RUSC2: variants seen among roughly 807,000 people sequenced by gnomAD.
RUSC2 encodes the protein AP-4 complex accessory subunit RUSC2.
A neutral mutation model predicts 122.2 loss-of-function variants in RUSC2; 34 were observed. That is an observed-to-expected ratio of 0.28 (90% CI 0.21 to 0.37). RUSC2 has a LOEUF of 0.37. Among genes scored for constraint, RUSC2 ranks in the 10% least tolerant of loss-of-function variants. RUSC2 has a pLI of 1.00. For missense variants in RUSC2, 1,747 were observed against 1,952.4 expected (o/e 0.89, Z 1.98); for synonymous variants, 784 against 790.0 (o/e 0.99, Z 0.13).
rs1267538991 is a variant in RUSC2, at chr9:35,560,587, C to G, written c.3947C>G (p.Pro1316Arg). The G allele has an allele frequency of 1.9e-6, 3 of 1,613,648 alleles. No homozygotes were observed. The highest frequency in any genetic ancestry group is 1.7e-5 in the Admixed American group (1 of 59,988). The change falls in exon 10 of 12, where the codon CCA (proline) becomes CGA (arginine). Residue 1316 changes from proline to arginine, a missense_variant. By Grantham distance (103) the Pro-to-Arg change is moderately radical (BLOSUM62 -2). Coordinates refer to ENST00000361226, the MANE Select transcript of RUSC2 (RefSeq NM_014806.5). ...GGTGGGGGACCTCCCCAGGCTCCACCACCCCGAGAGGGAGTAGTGGAGGGG... is the reference window on the plus strand; with the variant it reads ...GGTGGGGGACCTCCCCAGGCTCCACGACCCCGAGAGGGAGTAGTGGAGGGG... ...AGGGGPPQAP[P>R]PREGVVEGAE... is the part of the protein sequence containing the mutation.
chr9:35,515,999 CAAA>C (rs544797957), intron 1 of RUSC2, among the ~76,000 whole-genome samples: 337 of 47,178 alleles, frequency 7.1e-3, no homozygotes, highest in Middle Eastern at 0.019. Flanking sequence ...ATTCTTGTCT[CAAA>C]AAAAAAAAAA....
At chr9:35,524,922 G>T (rs902343427) in intron 1 of RUSC2, among the ~76,000 whole-genome samples, 4 of 150,864 alleles carry the variant, frequency 2.7e-5, no homozygotes, top group Admixed American at 1.3e-4. Flanking sequence ...AGTAAGCCAA[G>T]ATCGCACCAC....
chr9:35,557,426 G>A lies in RUSC2; in HGVS notation c.2984-488G>A, dbSNP rs907782949. Among the ~76,000 whole-genome samples, 14 of 152,096 alleles carry A rather than the reference G, an allele frequency of 9.2e-5. No homozygotes were observed. The highest frequency in any genetic ancestry group is 3.1e-4 in the African/African-American group (13 of 41,380). ...GGGAAGTTAAAGGAGTTTATAACTA[G>A]GGAACTCTGTTCTCTGAAGCAGAAC... On this transcript the variant is annotated intron_variant, in intron 5 of 11. Transcript: ENST00000361226. The surrounding 1 kb of genome is among the most constrained non-coding windows in gnomAD (Gnocchi z 4.6).
chr9:35,495,935 T>C (rs555857103), intron 1 of RUSC2, among the ~76,000 whole-genome samples: 2 of 152,340 alleles, frequency 1.3e-5, no homozygotes, highest in African/African-American at 4.8e-5. Context: ...TTACTGTAAA[T>C]GGAATTGTTT....
At chr9:35,490,508 C>G (rs757140795) in intron 1 of RUSC2, among the ~76,000 whole-genome samples, 1 of 152,132 alleles carries the variant, frequency 6.6e-6, no homozygotes, top group Non-Finnish European at 1.5e-5. Context: ...GACACCCTCC[C>G]CCCACAAAAC....
intron 1 of RUSC2, among the ~76,000 whole-genome samples, chr9:35,503,390 T>C (rs1820853254): frequency 6.6e-6 from 1 of 152,192 alleles, no homozygotes; most frequent in African/African-American, 2.4e-5. Flanking sequence ...TTACTTCACT[T>C]AGAATAGTGG....
intron 2 of RUSC2, among the ~76,000 whole-genome samples, chr9:35,550,968 C>T (rs904726302): frequency 6.6e-6 from 1 of 151,764 alleles, no homozygotes; most frequent in East Asian, 1.9e-4. Flanking sequence ...ACATGGGAGG[C>T]TGAGGCAGGA....
chr9:35,524,887 C>T (rs369033505), intron 1 of RUSC2, among the ~76,000 whole-genome samples: 174 of 151,610 alleles, frequency 1.1e-3, no homozygotes, highest in African/African-American at 3.8e-3. Flanking sequence ...AGGAGAATGG[C>T]GTGAACCCGG....
At chr9:35,533,566 T>C (rs934226426) in intron 1 of RUSC2, among the ~76,000 whole-genome samples, 5 of 152,238 alleles carry the variant, frequency 3.3e-5, no homozygotes, top group Admixed American at 2.6e-4. Context: ...TGTAGTCTAA[T>C]TTTGGAACAT....
intron 1 of RUSC2, among the ~76,000 whole-genome samples, chr9:35,494,591 A>G (rs1013443801): frequency 3.3e-5 from 5 of 151,994 alleles, no homozygotes; most frequent in South Asian, 2.1e-4. Flanking sequence ...GGCCATTTGT[A>G]TATCTTTGGA....
chr9:35,545,950 T>C (rs1405171704), intron 1 of RUSC2, among the ~76,000 whole-genome samples: 1 of 152,220 alleles, frequency 6.6e-6, no homozygotes, highest in East Asian at 1.9e-4. Context: ...TGCAAAATTA[T>C]AGCTTATTGC....
intron 2 of RUSC2, among the ~76,000 whole-genome samples, chr9:35,552,952 G>A (rs1351212544): frequency 6.6e-6 from 1 of 152,174 alleles, no homozygotes; most frequent in Non-Finnish European, 1.5e-5. Context: ...TAAAAGGGTA[G>A]GAATAAGCAG....
At chr9:35,560,939 G>A in intron 10 of RUSC2, 21 bp from the exon 11 acceptor site, 1 of 1,611,158 alleles carries the variant, frequency 6.2e-7, no homozygotes, top group Non-Finnish European at 8.5e-7. Context: ...GGCAGAGCCT[G>A]AGTCCAGCTG....
intron 1 of RUSC2, among the ~76,000 whole-genome samples, chr9:35,534,484 A>G (rs1393160486): frequency 6.6e-6 from 1 of 150,476 alleles, no homozygotes; most frequent in Non-Finnish European, 1.5e-5. Context: ...TTATTTATTT[A>G]CTTATTTATT....
chr9:35,501,042 A>G (rs1295704753), intron 1 of RUSC2, among the ~76,000 whole-genome samples: 1 of 152,246 alleles, frequency 6.6e-6, no homozygotes, highest in Non-Finnish European at 1.5e-5. Context: ...GTGGCTTTTT[A>G]TTGGCCTGTG....
chr9:35,555,953 CA>C lies in RUSC2; in HGVS notation c.2660del (p.Asn887ThrfsTer19). 1 of 1,613,700 alleles carries C rather than the reference CA, an allele frequency of 6.2e-7. No individual in the cohort carries two copies. Among genetic ancestry groups the C allele is most frequent in the Non-Finnish European group, 8.5e-7 (1 of 1,179,714 alleles). On this transcript the variant is annotated frameshift_variant and splice_region_variant, in exon 4 of 12. Coordinates refer to ENST00000361226, the MANE Select transcript of RUSC2 (RefSeq NM_014806.5). LOFTEE classifies it high-confidence loss of function. The surrounding 1 kb of genome is among the most constrained non-coding windows in gnomAD (Gnocchi z 4.6). The stretch of plus-strand genomic sequence containing the variant: ...TCTGCTAATCTGTTCTGCTTCCAGC[CA>C]ACCACCTATCCCCTCAAGCCCTCAA... Reference protein sequence around the residue: ...GSMATRPSNANHLSPQALKWR... With the variant: ...GSMATRPSNAXHLSPQALKWR...
rs1416712811 is a variant in RUSC2 at position 35,547,730 on chromosome 9, C to T, written c.1209C>T (p.Asp403=). Residue 403 remains aspartate (D), a synonymous_variant, in exon 2 of 12, where the codon GAC becomes GAT. Transcript: ENST00000361226. This position sits in a 1 kb window ranked among gnomAD's most constrained non-coding sequence, Gnocchi z 4.6. ...ATTACTATAAACTTGTCACCTGTGA[C>T]CTATCTTCCCAATCATCCCCAAGCC... ...TQNYYKLVTC[D]LSSQSSPSPA... The T allele has an allele frequency of 1.9e-6, 3 of 1,614,184 alleles. No homozygotes were observed. Among genetic ancestry groups the T allele is most frequent in the Non-Finnish European group, 2.5e-6 (3 of 1,180,054 alleles).
chr9:35,529,063 G>C (rs749055353), intron 1 of RUSC2, among the ~76,000 whole-genome samples: 9 of 152,014 alleles, frequency 5.9e-5, no homozygotes, highest in Non-Finnish European at 1.0e-4. Context: ...CCGTTACATG[G>C]GTAGCTCACT....
intron 1 of RUSC2, among the ~76,000 whole-genome samples, chr9:35,510,545 C>T (rs966687971): frequency 6.6e-6 from 1 of 152,178 alleles, no homozygotes; most frequent in African/African-American, 2.4e-5. Flanking sequence ...TTTGTTTAGT[C>T]TCCCTGGGTG....
Sources: allele counts gnomAD v4.1 joint callset (sites outside exome capture counted in the v4.1 genomes callset), GRCh38; gene constraint gnomAD v4.1.1; non-coding constraint Gnocchi (gnomAD v3.1); transcripts MANE v1.5; gene names NCBI Gene and HGNC (gene_info 2026-07-23, HGNC 2026-07-21).